SP140L: variants seen among roughly 807,000 people sequenced by gnomAD.
The protein encoded by SP140L is SP140 like nuclear body protein, also known as nuclear body protein SP140-like protein.
Under a neutral mutation model 84.3 loss-of-function variants are expected in SP140L, and 64 were observed. The observed-to-expected ratio is 0.76, with a 90% CI of 0.62 to 0.94. SP140L has a LOEUF of 0.94. Ranked by LOEUF, SP140L falls within the 40% of genes least tolerant of loss-of-function variation. The pLI is 0.00. For synonymous variants in SP140L, 242 were observed against 236.9 expected, an observed-to-expected ratio of 1.02 and a Z score of -0.20; for missense variants, 628 against 692.5, an observed-to-expected ratio of 0.91 and a Z score of 1.05.
intron 7 of SP140L, among the ~76,000 whole-genome samples, chr2:230,378,565 G>GTTT (rs2061319088): frequency 6.6e-6 from 1 of 152,186 alleles, no homozygotes; most frequent in South Asian, 2.1e-4. Flanking sequence ...ATGAACTGTG[G>GTTT]TTTTTCTCTG....
Position 230,361,617 on chromosome 2 carries a change from T to C in SP140L, c.443T>C (p.Ile148Thr), listed in dbSNP as rs140820077. Residue 148 changes from isoleucine (I) to threonine (T), a missense_variant, in exon 5 of 19, where the codon ATC becomes ACC. This residue lies in a region of SP140L where 525 missense variants were observed against 518.4 expected (regional missense o/e 1.01). Coordinates refer to ENST00000415673, the MANE Select transcript of SP140L (RefSeq NM_138402.6). ...TCTTCTCTCTCCCACTCTTCAGCAA[T>C]CCAAGACAAATTGTCTTTCCAAGAA... ...IHIYKSFKNA[I>T]QDKLSFQESD... 2.8e-5 allele frequency: 43 copies of C among 1,557,658 alleles called. No homozygotes were observed. The highest frequency in any genetic ancestry group is 3.7e-5 in the Non-Finnish European group (42 of 1,149,556).
intron 2 of SP140L, among the ~76,000 whole-genome samples, chr2:230,344,052 C>A (rs572965266): frequency 6.6e-6 from 1 of 152,256 alleles, no homozygotes; most frequent in East Asian, 1.9e-4. Flanking sequence ...TAATCCAGAG[C>A]TGAATCAGGC....
chr2:230,402,900 G>A lies in SP140L; in HGVS notation c.*4G>A, dbSNP rs200956990. ...GGAAACAAATGGGAACAGTTGACTG[G>A]TTTAGTGGATGCTGAAGGCCTTCAG... On this transcript the variant is annotated 3_prime_UTR_variant, in exon 19 of 19. Coordinates refer to ENST00000415673, the MANE Select transcript of SP140L (RefSeq NM_138402.6). The A allele has an allele frequency of 2.4e-5, 39 of 1,603,786 alleles. No individual in the cohort carries two copies. Among genetic ancestry groups the A allele is most frequent in the Non-Finnish European group, 3.2e-5 (38 of 1,176,652 alleles).
At chr2:230,374,755 GT>G (rs2061190742) in intron 7 of SP140L, among the ~76,000 whole-genome samples, 1 of 152,170 alleles carries the variant, frequency 6.6e-6, no homozygotes, top group Non-Finnish European at 1.5e-5. Flanking sequence ...TCAAATGATT[GT>G]GAGCATTTTT....
At position 230,388,608 on chromosome 2, in the gene SP140L, T is replaced by C. The variant is rs1458263731; in HGVS notation, c.834T>C (p.Ala278=). The change falls in exon 10 of 19, where the codon GCT becomes GCC. Residue 278 remains alanine, a synonymous_variant. Transcript: ENST00000415673. ...PGTHFTQSDR[A]PQKRVRSRAS... Reference sequence around the variant, plus strand: ...CCCACTTTACTCAGAGTGACAGAGCTCCACAGAAAAGAGTCCGATCAAGAG... The same window carrying C: ...CCCACTTTACTCAGAGTGACAGAGCCCCACAGAAAAGAGTCCGATCAAGAG... The C allele has an allele frequency of 2.5e-6, 4 of 1,609,752 alleles. No homozygotes were observed. Among genetic ancestry groups the C allele is most frequent in the East Asian group, 2.2e-5 (1 of 44,814 alleles).
chr2:230,382,888 T>C (rs960358295), intron 7 of SP140L, among the ~76,000 whole-genome samples: 6 of 152,104 alleles, frequency 3.9e-5, no homozygotes, highest in African/African-American at 7.2e-5. Context: ...ACTTTTCTGA[T>C]AAAGGGCACA....
chr2:230,336,758 C>T (rs914412006), intron 2 of SP140L, among the ~76,000 whole-genome samples: 1 of 152,168 alleles, frequency 6.6e-6, no homozygotes, highest in African/African-American at 2.4e-5. Flanking sequence ...TCCTATATCA[C>T]TGTCAGACTT....
intron 9 of SP140L, among the ~76,000 whole-genome samples, chr2:230,386,528 T>A (rs6728397): frequency 0.71 from 107,485 of 151,432 alleles, 38,771 homozygotes; most frequent in South Asian, 0.75. Context: ...AAGGTTTATG[T>A]TAGGGTTTCA....
chr2:230,348,319 C>T (rs768911581), intron 2 of SP140L, among the ~76,000 whole-genome samples: 1 of 152,222 alleles, frequency 6.6e-6, no homozygotes, highest in East Asian at 1.9e-4. Flanking sequence ...CAAAATCTAT[C>T]GTACACTGTT....
intron 5 of SP140L, among the ~76,000 whole-genome samples, chr2:230,366,710 CTATTATTATTATT>C (rs1310756554): frequency 6.9e-6 from 1 of 144,588 alleles, no homozygotes; most frequent in African/African-American, 2.5e-5. Flanking sequence ...GGATTATTAT[CTATTATTATTATT>C]ATTATTATTA....
intron 1 of SP140L, 124 bp downstream of exon 1, chr2:230,327,425 T>A: frequency 1.9e-6 from 2 of 1,062,938 alleles, no homozygotes; most frequent in Non-Finnish European, 2.7e-6. Context: ...AGGTAGGTAG[T>A]GTAATATAAT....
intron 7 of SP140L, among the ~76,000 whole-genome samples, chr2:230,381,163 C>T (rs1403039657): frequency 6.6e-6 from 1 of 152,036 alleles, no homozygotes; most frequent in African/African-American, 2.4e-5. Flanking sequence ...GCTAGCAAAC[C>T]TGCCCAAACC....
intron 14 of SP140L, among the ~76,000 whole-genome samples, chr2:230,399,536 G>T (rs999999453): frequency 6.6e-6 from 1 of 152,160 alleles, no homozygotes; most frequent in Non-Finnish European, 1.5e-5. Flanking sequence ...CAGAGCCGAA[G>T]AGCTCTGTGC....
At chr2:230,332,560 A>G (rs1412211337) in intron 2 of SP140L, among the ~76,000 whole-genome samples, 1 of 152,228 alleles carries the variant, frequency 6.6e-6, no homozygotes, top group Non-Finnish European at 1.5e-5. Context: ...ATCAGTAATC[A>G]GTGTTATCGT....
At chr2:230,361,062 G>A (rs1171628596) in intron 4 of SP140L, among the ~76,000 whole-genome samples, 59 of 152,082 alleles carry the variant, frequency 3.9e-4, no homozygotes, top group South Asian at 2.1e-4. Context: ...CAGTTCTCCC[G>A]CTTCAGCCTT....
At chr2:230,334,458 T>C (rs1463087454) in intron 2 of SP140L, among the ~76,000 whole-genome samples, 1 of 152,226 alleles carries the variant, frequency 6.6e-6, no homozygotes, top group East Asian at 1.9e-4. Context: ...TGAATGCAGA[T>C]GTGTTCAACC....
chr2:230,381,229 G>A (rs2061395618), intron 7 of SP140L, among the ~76,000 whole-genome samples: 1 of 152,068 alleles, frequency 6.6e-6, no homozygotes, highest in Non-Finnish European at 1.5e-5. Context: ...CTCACCTCTG[G>A]GGATATTAAG....
At chr2:230,358,112 C>T (rs1416818491) in intron 3 of SP140L, 145 bp downstream of exon 3, 12 of 931,234 alleles carry the variant, frequency 1.3e-5, no homozygotes, top group Admixed American at 9.7e-5. Flanking sequence ...AATGGTGTTC[C>T]ATGGCACCCT....
chr2:230,379,509 T>A (rs1274036059), intron 7 of SP140L, among the ~76,000 whole-genome samples: 1 of 152,154 alleles, frequency 6.6e-6, no homozygotes, highest in East Asian at 1.9e-4. Flanking sequence ...TAACTATAAA[T>A]TTTGAAACTA....
Sources: gnomAD v4.1 joint callset for allele counts (sites outside exome capture counted in the v4.1 genomes callset) on GRCh38, gnomAD v4.1.1 for gene constraint, gnomAD v4.1.1 regional missense constraint, MANE v1.5 for transcripts, NCBI Gene and HGNC (gene_info 2026-07-23, HGNC 2026-07-21) for gene names.